The following MIER1 variants were observed in gnomAD, a reference collection of about 807,000 sequenced individuals.
MIER1 encodes mesoderm induction early response protein 1.
A neutral mutation model predicts 75.7 loss-of-function variants in MIER1; 40 were observed. The ratio of observed to expected loss-of-function variants is 0.53; its 90% CI spans 0.41 to 0.69. MIER1 has a LOEUF of 0.69. Among genes scored for constraint, MIER1 ranks in the 30% least tolerant of loss-of-function variants. The pLI, the probability that MIER1 is intolerant of heterozygous loss-of-function variation, is 0.00. For synonymous variants in MIER1, 213 were observed against 223.4 expected (o/e 0.95, Z 0.42); for missense variants, 574 against 680.2 (o/e 0.84, Z 1.74).
chr1:66,982,984 A>G (rs544565467), intron 13 of MIER1, among the ~76,000 whole-genome samples: 2 of 152,300 alleles, frequency 1.3e-5, no homozygotes, highest in South Asian at 4.1e-4. Context: ...TGGTACTACT[A>G]TTGTTTTTCC....
At chr1:66,957,942 C>T (rs1236480837) in intron 4 of MIER1, 117 bp from the exon 5 acceptor site, 3 of 512,662 alleles carry the variant, frequency 5.9e-6, no homozygotes, top group African/African-American at 2.0e-5. Context: ...TCCGAGAATT[C>T]GTAACACAGC....
At chr1:66,982,613 C>T (rs1311930264) in intron 13 of MIER1, among the ~76,000 whole-genome samples, 1 of 152,146 alleles carries the variant, frequency 6.6e-6, no homozygotes, top group Non-Finnish European at 1.5e-5. Context: ...AAGTAATAAG[C>T]GCCACCCCCA....
chr1:66,947,066 C>G (rs759367144), intron 4 of MIER1: 16 of 935,856 alleles, frequency 1.7e-5, no homozygotes, highest in Non-Finnish European at 2.0e-5. Flanking sequence ...CAGAATCAAC[C>G]CTGTACTTAT....
chr1:66,985,662 T>G lies in MIER1; in HGVS notation c.*762T>G. ...GTATAATTTTCTTAACTTGTACAGT[T>G]GGTAAACTTTTATGAGAGGAATTGT... On this transcript the variant is annotated 3_prime_UTR_variant, in exon 14 of 14. Coordinates refer to ENST00000401041, the MANE Select transcript of MIER1 (RefSeq NM_001077700.3). 1.0e-6 allele frequency: 1 copy of G among 985,134 alleles called. No individual in the cohort carries two copies. The highest frequency in any genetic ancestry group is 1.2e-6 in the Non-Finnish European group (1 of 829,592). 61.0% of individuals were successfully genotyped at this position (985,134 alleles called of 1,614,324 possible). A position where few individuals can be genotyped will look rare whatever the true frequency, so the allele number is the denominator to read the frequency against.
At position 66,972,919 on chromosome 1, in the gene MIER1, G is replaced by A. The variant is rs1042598483; in HGVS notation, c.1029G>A (p.Glu343=). 3.7e-6 allele frequency: 6 copies of A among 1,601,848 alleles called. No individual in the cohort carries two copies. The highest frequency in any genetic ancestry group is 1.3e-5 in the African/African-American group (1 of 74,634). The change falls in exon 11 of 14, where the codon GAG becomes GAA. Residue 343 remains glutamate, a synonymous_variant. Transcript: ENST00000401041. ...CAGAGGAATTATCTGTTTGGACAGA[G>A]GAAGAGTGTAGAAATTTTGAACAAG... is the stretch of plus-strand genomic sequence containing the variant. The part of the protein sequence containing the change: ...AAREELSVWT[E]EECRNFEQGL...
chr1:66,954,898 G>A (rs909094392), intron 4 of MIER1, among the ~76,000 whole-genome samples: 7 of 151,934 alleles, frequency 4.6e-5, no homozygotes, highest in East Asian at 1.9e-4. Context: ...TAGTGGAGAT[G>A]GGGTTTTGCC....
At chr1:66,972,339 A>T (rs1663874551) in intron 10 of MIER1, among the ~76,000 whole-genome samples, 1 of 150,972 alleles carries the variant, frequency 6.6e-6, no homozygotes, top group South Asian at 2.1e-4. Context: ...AACTATAAAC[A>T]AAGTCCCTTC....
Position 66,974,274 on chromosome 1 carries a change from C to T in MIER1, c.1101+1283C>T, listed in dbSNP as rs1430254073. Among the ~76,000 whole-genome samples the T allele has an allele frequency of 2.0e-5, 3 of 151,754 alleles. No individual in the cohort carries two copies. In the East Asian group the frequency reaches 5.8e-4, roughly 29 times the overall value. On this transcript the variant is annotated intron_variant, in intron 11 of 13. Coordinates refer to ENST00000401041, the MANE Select transcript of MIER1 (RefSeq NM_001077700.3). Reference sequence around the variant, plus strand: ...GTAATTAGTTTCAAAAATGTATACCCCTAATGTTGTGTTCATATCATCTGA... The same window carrying T: ...GTAATTAGTTTCAAAAATGTATACCTCTAATGTTGTGTTCATATCATCTGA...
chr1:66,958,253 T>C, intron 5 of MIER1, 33 bp downstream of exon 5: 1 of 1,416,162 alleles, frequency 7.1e-7, no homozygotes, highest in South Asian at 1.6e-5. Flanking sequence ...AAGATTGTAG[T>C]CTTTATTCTT....
intron 1 of MIER1, chr1:66,925,363 G>A (rs981945720): frequency 4.1e-6 from 4 of 985,254 alleles, no homozygotes; most frequent in Non-Finnish European, 4.8e-6. Flanking sequence ...GTGGCGCCGC[G>A]CTGGGAATCC....
In MIER1 at chr1:66,976,663, T is replaced by C. The variant is rs1664786852; in HGVS notation, c.1170T>C (p.Asp390=). 6.2e-7 allele frequency: 1 copy of C among 1,607,998 alleles called. No homozygotes were observed. The highest frequency in any genetic ancestry group is 1.7e-5 in the Admixed American group (1 of 59,140). Reference sequence around the variant, plus strand: ...TGTGGAAAAAATCTGAACGTTATGATTTCTTTGCTCAGCAAACACGATTTG... The same window carrying C: ...TGTGGAAAAAATCTGAACGTTATGACTTCTTTGCTCAGCAAACACGATTTG... ...YYMWKKSERY[D]FFAQQTRFGK... Residue 390 remains aspartate (D), a synonymous_variant, in exon 12 of 14, where the codon GAT becomes GAC. Transcript: ENST00000401041.
Position 66,985,476 on chromosome 1 carries a change from G to T in MIER1, c.*576G>T. On this transcript the variant is annotated 3_prime_UTR_variant, in exon 14 of 14. Coordinates refer to ENST00000401041, the MANE Select transcript of MIER1 (RefSeq NM_001077700.3). ...AGAAGTTTAAAAATAAACCAGGTCAGGTTTGTATATGTAAAATTGTTGACA... is the reference window on the plus strand; with the variant it reads ...AGAAGTTTAAAAATAAACCAGGTCATGTTTGTATATGTAAAATTGTTGACA... 1.0e-6 allele frequency: 1 copy of T among 983,520 alleles called. No individual in the cohort carries two copies. The highest frequency in any genetic ancestry group is 1.2e-6 in the Non-Finnish European group (1 of 828,154). 60.9% of individuals were successfully genotyped at this position (983,520 alleles called of 1,614,324 possible). A position where few individuals can be genotyped will look rare whatever the true frequency, so the allele number is the denominator to read the frequency against.
Position 66,974,652 on chromosome 1 carries a change from TGA to T in MIER1, c.1101+1662_1101+1663del, listed in dbSNP as rs1664344428. Among the ~76,000 whole-genome samples the T allele has an allele frequency of 2.6e-5, 4 of 152,246 alleles. No homozygotes were observed. The East Asian group carries it at 7.7e-4, about 29-fold the overall frequency. On this transcript the variant is annotated intron_variant, in intron 11 of 13. Coordinates refer to ENST00000401041, the MANE Select transcript of MIER1 (RefSeq NM_001077700.3). ...AACATAAGTATTAAAAGTATAACCT[TGA>T]TTTCTCATAAATATTTGGGACAGTG...
intron 10 of MIER1, among the ~76,000 whole-genome samples, chr1:66,972,242 A>ATATATATATATATACAC (rs1663813159): frequency 2.8e-5 from 2 of 70,252 alleles, no homozygotes; most frequent in African/African-American, 1.9e-4. Context: ...CTACATATAT[A>ATATATATATATATACAC]TATATATATA....
chr1:66,956,136 C>T (rs1405626666), intron 4 of MIER1, among the ~76,000 whole-genome samples: 1 of 152,078 alleles, frequency 6.6e-6, no homozygotes, highest in Non-Finnish European at 1.5e-5. Flanking sequence ...ATAAAACTAG[C>T]TTTAGGCTGG....
chr1:66,986,151 CTT>C lies in MIER1; in HGVS notation c.*1254_*1255del, dbSNP rs1031877204. On this transcript the variant is annotated 3_prime_UTR_variant, in exon 14 of 14. Coordinates refer to ENST00000401041, the MANE Select transcript of MIER1 (RefSeq NM_001077700.3). ...ATGAAGAGAAAGTGAAGTTTGAAAACTTTTCAAACTTTTCTAGTTACAATCCA... is the reference window on the plus strand; with the variant it reads ...ATGAAGAGAAAGTGAAGTTTGAAAACTTCAAACTTTTCTAGTTACAATCCA... 1.4e-5 allele frequency: 17 copies of C among 1,174,394 alleles called. No individual in the cohort carries two copies. Among genetic ancestry groups the C allele is most frequent in the East Asian group, 4.3e-5 (1 of 23,374 alleles). The allele number at this position is 1,174,394 out of a possible 1,614,324, so 72.7% of individuals were successfully genotyped here.
intron 12 of MIER1, among the ~76,000 whole-genome samples, chr1:66,977,834 A>T (rs908532825): frequency 4.0e-5 from 6 of 151,828 alleles, no homozygotes; most frequent in Non-Finnish European, 5.9e-5. Flanking sequence ...AAATAAAAAT[A>T]AAAAAAAATT....
In MIER1 at chr1:66,987,307, T is replaced by G. The variant is rs1304625850; in HGVS notation, c.*2407T>G. 1 of 152,706 alleles carries G rather than the reference T, an allele frequency of 6.5e-6. No homozygotes were observed. Among genetic ancestry groups the G allele is most frequent in the Admixed American group, 6.6e-5 (1 of 15,256 alleles). 9.5% of individuals were successfully genotyped at this position (152,706 alleles called of 1,614,324 possible). ...TATCATGAATTTAATTTGCTTAAGA[T>G]TTAGTACATTTCAGAACTTTTGAAC... On this transcript the variant is annotated 3_prime_UTR_variant, in exon 14 of 14. Transcript: ENST00000401041.
rs1666890438 is a variant in MIER1, at chr1:66,987,175, TATTTA to T, written c.*2279_*2283del. The T allele has an allele frequency of 6.5e-6, 1 of 152,736 alleles. No homozygotes were observed. Among genetic ancestry groups the T allele is most frequent in the African/African-American group, 2.4e-5 (1 of 41,470 alleles). The allele number at this position is 152,736 out of a possible 1,614,324, so 9.5% of individuals were successfully genotyped here. A position where few individuals can be genotyped will look rare whatever the true frequency, so the allele number is the denominator to read the frequency against. On this transcript the variant is annotated 3_prime_UTR_variant, in exon 14 of 14. Transcript: ENST00000401041. ...TAATGCTCAGCTTTTTGTAAAGAAATATTTAATTGTATTTTGTGTTTATACAGGTA... is the reference window on the plus strand; with the variant it reads ...TAATGCTCAGCTTTTTGTAAAGAAATATTGTATTTTGTGTTTATACAGGTA...
Sources: allele counts gnomAD v4.1 joint callset (sites outside exome capture counted in the v4.1 genomes callset), GRCh38; gene constraint gnomAD v4.1.1; transcripts MANE v1.5; gene names NCBI Gene and HGNC (gene_info 2026-07-23, HGNC 2026-07-21).